Variants in CCDC3 observed in about 807,000 individuals in gnomAD.
CCDC3 encodes coiled-coil domain-containing protein 3.
Under a neutral mutation model 21.4 loss-of-function variants are expected in CCDC3, and 24 were observed. That is an observed-to-expected ratio of 1.12 (90% CI 0.81 to 1.58). The LOEUF is 1.58. Among genes scored for constraint, CCDC3 ranks in the 40% most tolerant of loss-of-function variants. The pLI is 0.00. For missense variants in CCDC3, 425 were observed against 360.9 expected, an observed-to-expected ratio of 1.18 and a Z score of -1.44; for synonymous variants, 186 against 166.0, an observed-to-expected ratio of 1.12 and a Z score of -0.93.
chr10:13,082,847 A>G (rs568355055), intron 3 of CCDC3, among the ~76,000 whole-genome samples: 1 of 152,362 alleles, frequency 6.6e-6, no homozygotes, highest in Non-Finnish European at 1.5e-5. Flanking sequence ...AGAAATTATT[A>G]TAACAGTGGA....
intron 2 of CCDC3, among the ~76,000 whole-genome samples, chr10:12,969,920 CAG>C (rs1168270830): frequency 1.3e-5 from 2 of 152,022 alleles, no homozygotes; most frequent in East Asian, 3.9e-4. Context: ...CTCATAGAAA[CAG>C]AGGATAAGAC....
At chr10:12,901,521 C>T (rs566634967) in intron 2 of CCDC3, among the ~76,000 whole-genome samples, 2 of 152,282 alleles carry the variant, frequency 1.3e-5, no homozygotes, top group African/African-American at 2.4e-5. Flanking sequence ...GATCTGCCCG[C>T]CTCGGCCTCC....
chr10:13,009,860 G>T (rs2131397915), intron 5 of CCDC3, among the ~76,000 whole-genome samples: 1 of 152,254 alleles, frequency 6.6e-6, no homozygotes, highest in African/African-American at 2.4e-5. Flanking sequence ...TCTAATAAAA[G>T]AATGAAATAT....
chr10:12,904,468 TAAAAAAAA>T (rs55772750), intron 2 of CCDC3, among the ~76,000 whole-genome samples: 3 of 40,902 alleles, frequency 7.3e-5, no homozygotes, highest in African/African-American at 1.8e-4. Context: ...AAGCCAGTCT[TAAAAAAAA>T]AAAAAAAAAA....
intron 3 of CCDC3, among the ~76,000 whole-genome samples, chr10:13,091,759 T>TG (rs1416256206): frequency 2.0e-5 from 3 of 150,618 alleles, no homozygotes; most frequent in Admixed American, 1.3e-4. Flanking sequence ...AACCTTTTTT[T>TG]GTAGCCAAGA....
chr10:12,940,226 ATTGTTTTT>A (rs1036430528), intron 2 of CCDC3, among the ~76,000 whole-genome samples: 6 of 107,002 alleles, frequency 5.6e-5, no homozygotes, highest in African/African-American at 2.1e-4. Flanking sequence ...AATCATTGAA[ATTGTTTTT>A]TTTTTTTTTT....
intron 2 of CCDC3, among the ~76,000 whole-genome samples, chr10:12,981,122 T>C (rs1284020065): frequency 6.6e-6 from 1 of 151,740 alleles, no homozygotes; most frequent in South Asian, 2.1e-4. Flanking sequence ...AGCCTCCTGC[T>C]TCAGCCTTCC....
At chr10:12,960,168 A>AAC (rs10626900) in intron 2 of CCDC3, among the ~76,000 whole-genome samples, 295 of 148,842 alleles carry the variant, frequency 2.0e-3, no homozygotes, top group South Asian at 4.9e-3. Context: ...ACACACACAC[A>AAC]ACACACACAC....
chr10:12,987,755 AG>A (rs796326739), intron 2 of CCDC3, among the ~76,000 whole-genome samples: 12 of 152,344 alleles, frequency 7.9e-5, no homozygotes, highest in African/African-American at 2.6e-4. Context: ...GAGGTGCTGG[AG>A]GAAGATGACA....
intron 2 of CCDC3, among the ~76,000 whole-genome samples, chr10:12,992,705 A>T (rs1181124187): frequency 2.0e-5 from 3 of 152,200 alleles, no homozygotes; most frequent in African/African-American, 7.2e-5. Context: ...GGTACAGTAT[A>T]CACTGCTCAC....
intron 4 of CCDC3, among the ~76,000 whole-genome samples, chr10:13,053,249 T>C (rs1282097371): frequency 1.3e-5 from 2 of 152,180 alleles, no homozygotes; most frequent in Non-Finnish European, 1.5e-5. Context: ...GATGAAAATA[T>C]GTGACAACCA....
intron 2 of CCDC3, among the ~76,000 whole-genome samples, chr10:12,977,179 G>A (rs185998077): frequency 8.7e-4 from 133 of 152,316 alleles, no homozygotes; most frequent in Non-Finnish European, 1.4e-3. Context: ...AGAGGCTGAG[G>A]CAGGAGAATC....
intron 2 of CCDC3, among the ~76,000 whole-genome samples, chr10:12,964,036 A>G (rs1312862015): frequency 1.3e-5 from 2 of 152,190 alleles, no homozygotes; most frequent in Non-Finnish European, 2.9e-5. Context: ...GACATGTGAG[A>G]AAAAGCTTGC....
At position 12,956,494 on chromosome 10, in the gene CCDC3, T is replaced by G. The variant is rs944794899; in HGVS notation, c.549+41844A>C. Among the ~76,000 whole-genome samples the G allele has an allele frequency of 3.6e-4, 55 of 152,204 alleles. 1 individual carries two copies. The highest frequency in any genetic ancestry group is 1.3e-3 in the African/African-American group (53 of 41,460). ...ACCTCGATTTTGTTCACCCTCCTCA[T>G]GGTATTGTGCCAAGAGAGGCCTTCC... On this transcript the variant is annotated intron_variant, in intron 2 of 2. Coordinates refer to ENST00000378825, the MANE Select transcript of CCDC3 (RefSeq NM_031455.4).
At chr10:13,009,846 A>G (rs1564318738) in intron 5 of CCDC3, among the ~76,000 whole-genome samples, 1 of 152,266 alleles carries the variant, frequency 6.6e-6, no homozygotes, top group Non-Finnish European at 1.5e-5. Context: ...ACATCATCAA[A>G]ATATCTAATA....
chr10:12,921,827 G>A (rs550564241), intron 2 of CCDC3, among the ~76,000 whole-genome samples: 63 of 152,200 alleles, frequency 4.1e-4, no homozygotes, highest in Admixed American at 1.6e-3. Flanking sequence ...CTGTAGCCTC[G>A]AAACTTCTGG....
intron 2 of CCDC3, among the ~76,000 whole-genome samples, chr10:12,927,061 A>G (rs73586019): frequency 0.017 from 2,657 of 152,320 alleles, 85 homozygotes; most frequent in African/African-American, 0.06. Flanking sequence ...AGATCCTGAT[A>G]TCAGCCAACG....
intron 2 of CCDC3, among the ~76,000 whole-genome samples, chr10:12,973,579 C>A (rs1835373862): frequency 6.6e-6 from 1 of 152,244 alleles, no homozygotes; most frequent in South Asian, 2.1e-4. Flanking sequence ...GCAGTGATTA[C>A]TGGGTGGGTT....
At chr10:13,030,954 C>A (rs565068409) in intron 5 of CCDC3, among the ~76,000 whole-genome samples, 3 of 152,162 alleles carry the variant, frequency 2.0e-5, no homozygotes, top group East Asian at 1.9e-4. Flanking sequence ...AAAGTTAACA[C>A]GGATATCCAG....
Sources: gnomAD v4.1 joint callset for allele counts (sites outside exome capture counted in the v4.1 genomes callset) on GRCh38, gnomAD v4.1.1 for gene constraint, MANE v1.5 for transcripts, NCBI Gene and HGNC (gene_info 2026-07-23, HGNC 2026-07-21) for gene names.